The following MDFIC2 variants were observed in gnomAD, a reference collection of about 807,000 sequenced individuals.
MDFIC2 encodes MyoD family inhibitor domain containing 2.
rs61355248 is a variant in MDFIC2 at position 70,250,411 on chromosome 3, T to TCACACACACA, written c.89-43631_89-43622dup. Among the ~76,000 whole-genome samples the TCACACACACA allele has an allele frequency of 5.8e-4, 72 of 124,960 alleles. No homozygotes were observed. In the South Asian group the frequency reaches 0.01, roughly 18 times the overall value. The allele number at this position is 124,960 out of a possible 152,430, so 82.0% of individuals were successfully genotyped here. A position where few individuals can be genotyped will look rare whatever the true frequency, so the allele number is the denominator to read the frequency against. On this transcript the variant is annotated intron_variant, in intron 2 of 3. Coordinates refer to ENST00000567252, the MANE Select transcript of MDFIC2 (RefSeq NM_001364677.1). ...TTCGGTATTTTTCTTTTAATGAATC[T>TCACACACACA]CACACACACACACACACACACACAC...
intron 2 of MDFIC2, among the ~76,000 whole-genome samples, chr3:70,294,307 T>A (rs1194179381): frequency 6.6e-6 from 1 of 152,154 alleles, no homozygotes; most frequent in Non-Finnish European, 1.5e-5. Context: ...TCACCCTAGG[T>A]CATGAATAGA....
At chr3:70,269,631 T>C (rs959969438) in intron 2 of MDFIC2, among the ~76,000 whole-genome samples, 1 of 152,220 alleles carries the variant, frequency 6.6e-6, no homozygotes, top group Non-Finnish European at 1.5e-5. Flanking sequence ...AATTAAATTA[T>C]GTTAATTTAA....
At chr3:70,259,992 GA>G (rs1393655589) in intron 2 of MDFIC2, among the ~76,000 whole-genome samples, 4 of 152,114 alleles carry the variant, frequency 2.6e-5, no homozygotes, top group African/African-American at 9.7e-5. Flanking sequence ...ACTATCACGA[GA>G]ACAGCGTGAT....
intron 2 of MDFIC2, among the ~76,000 whole-genome samples, chr3:70,266,637 G>T (rs72943359): frequency 0.038 from 5,758 of 151,920 alleles, 341 homozygotes; most frequent in African/African-American, 0.13. Flanking sequence ...GTGAAGACAG[G>T]ATCTCCCTAT....
chr3:70,299,414 T>C (rs1354315628), intron 2 of MDFIC2, among the ~76,000 whole-genome samples: 1 of 152,136 alleles, frequency 6.6e-6, no homozygotes, highest in Non-Finnish European at 1.5e-5. Flanking sequence ...TCCATTTTCA[T>C]ATTCTAATTT....
intron 2 of MDFIC2, among the ~76,000 whole-genome samples, chr3:70,290,730 C>T (rs1702228585): frequency 6.6e-6 from 1 of 152,146 alleles, no homozygotes; most frequent in Non-Finnish European, 1.5e-5. Context: ...GGCGTAGGAC[C>T]CTCCGAGCCA....
chr3:70,290,518 T>A (rs185077276), intron 2 of MDFIC2, among the ~76,000 whole-genome samples: 68 of 152,330 alleles, frequency 4.5e-4, no homozygotes, highest in African/African-American at 1.5e-3. Context: ...TTTTTGTTTG[T>A]CTGTGCCCTG....
intron 2 of MDFIC2, among the ~76,000 whole-genome samples, chr3:70,209,154 T>C (rs1220010384): frequency 6.6e-6 from 1 of 152,072 alleles, no homozygotes; most frequent in Non-Finnish European, 1.5e-5. Flanking sequence ...AGATGGACAT[T>C]CAAATGATGT....
intron 2 of MDFIC2, among the ~76,000 whole-genome samples, chr3:70,287,323 T>C (rs1241455456): frequency 6.9e-6 from 1 of 145,470 alleles, no homozygotes; most frequent in Admixed American, 6.8e-5. Flanking sequence ...AATCATGTGG[T>C]TTTTGTCTTT....
chr3:70,216,269 A>T (rs1701411524), intron 2 of MDFIC2, among the ~76,000 whole-genome samples: 1 of 150,372 alleles, frequency 6.7e-6, no homozygotes, highest in Admixed American at 6.7e-5. Context: ...TTAATAACAA[A>T]TATACTATTC....
intron 2 of MDFIC2, among the ~76,000 whole-genome samples, chr3:70,289,697 C>A (rs1290554934): frequency 1.3e-5 from 2 of 152,246 alleles, no homozygotes; most frequent in African/African-American, 4.8e-5. Context: ...TCAGGTACAC[C>A]AATCAGACCT....
intron 2 of MDFIC2, among the ~76,000 whole-genome samples, chr3:70,225,094 A>G (rs1701491321): frequency 6.6e-6 from 1 of 152,194 alleles, no homozygotes; most frequent in Admixed American, 6.5e-5. Flanking sequence ...GAATAAATAT[A>G]TGGTAGATCT....
At chr3:70,259,047 T>C (rs949831646) in intron 2 of MDFIC2, among the ~76,000 whole-genome samples, 10 of 152,210 alleles carry the variant, frequency 6.6e-5, no homozygotes, top group African/African-American at 2.2e-4. Context: ...AAAGATACAG[T>C]TGATGTGCTT....
At chr3:70,221,860 T>C (rs1385983768) in intron 2 of MDFIC2, among the ~76,000 whole-genome samples, 1 of 152,178 alleles carries the variant, frequency 6.6e-6, no homozygotes, top group East Asian at 1.9e-4. Context: ...TGAGGTTTTG[T>C]CGTTACTTTC....
At chr3:70,198,695 G>T (rs1274084256) in intron 3 of MDFIC2, among the ~76,000 whole-genome samples, 1 of 151,968 alleles carries the variant, frequency 6.6e-6, no homozygotes, top group Non-Finnish European at 1.5e-5. Context: ...GTCATATATT[G>T]TTGCAGGTGC....
At chr3:70,231,252 T>TA (rs1284022483) in intron 2 of MDFIC2, among the ~76,000 whole-genome samples, 1 of 152,062 alleles carries the variant, frequency 6.6e-6, no homozygotes. Context: ...AGGGAATAGT[T>TA]CCTTTAACAC....
At chr3:70,232,335 G>T (rs77092906) in intron 2 of MDFIC2, among the ~76,000 whole-genome samples, 2,777 of 151,980 alleles carry the variant, frequency 0.018, 86 homozygotes, top group African/African-American at 0.064. Context: ...CATGATCAGT[G>T]CACATGTGTC....
chr3:70,300,375 T>TAA (rs1702335989), intron 2 of MDFIC2, among the ~76,000 whole-genome samples: 1 of 152,134 alleles, frequency 6.6e-6, no homozygotes, highest in African/African-American at 2.4e-5. Flanking sequence ...CATCGAGTAT[T>TAA]ATTTGTGTTT....
chr3:70,293,639 A>AT (rs113329006), intron 2 of MDFIC2, among the ~76,000 whole-genome samples: 3 of 152,068 alleles, frequency 2.0e-5, no homozygotes, highest in African/African-American at 7.2e-5. Flanking sequence ...CAAATAAGAC[A>AT]TTTTTTTGTA....
Sources: gnomAD v4.1 joint callset for allele counts (sites outside exome capture counted in the v4.1 genomes callset) on GRCh38, gnomAD v4.1.1 for gene constraint, MANE v1.5 for transcripts, NCBI Gene and HGNC (gene_info 2026-07-23, HGNC 2026-07-21) for gene names.